Variants in LMX1A observed in about 807,000 individuals in gnomAD.
LMX1A encodes the protein LIM homeobox transcription factor 1-alpha.
A neutral mutation model predicts 49.1 loss-of-function variants in LMX1A; 15 were observed. That is an observed-to-expected ratio of 0.31 (90% CI 0.20 to 0.47). The LOEUF is 0.47. Ranked by LOEUF, LMX1A falls within the 20% of genes least tolerant of loss-of-function variation. The pLI is 1.00. For synonymous variants in LMX1A, 167 were observed against 185.7 expected (o/e 0.90, Z 0.82); for missense variants, 372 against 475.8 (o/e 0.78, Z 2.03).
intron 3 of LMX1A, among the ~76,000 whole-genome samples, chr1:165,349,746 A>G (rs1209182021): frequency 1.3e-5 from 2 of 152,116 alleles, no homozygotes; most frequent in African/African-American, 2.4e-5. Context: ...TGTCAATTCT[A>G]TTTTTTTAAT....
At chr1:165,211,525 G>T (rs1277724068) in intron 5 of LMX1A, among the ~76,000 whole-genome samples, 1 of 152,194 alleles carries the variant, frequency 6.6e-6, no homozygotes, top group East Asian at 1.9e-4. Flanking sequence ...GAGAGACACT[G>T]ACCTCTCTTG....
intron 4 of LMX1A, among the ~76,000 whole-genome samples, chr1:165,239,940 G>A (rs893766862): frequency 6.6e-6 from 1 of 152,180 alleles, no homozygotes; most frequent in African/African-American, 2.4e-5. Context: ...GACATTTAAG[G>A]AATTTATACC....
intron 4 of LMX1A, among the ~76,000 whole-genome samples, chr1:165,225,384 C>T (rs183641435): frequency 5.3e-5 from 8 of 152,296 alleles, no homozygotes; most frequent in East Asian, 1.9e-4. Context: ...TACAATCATT[C>T]GGAAATTATT....
In LMX1A at chr1:165,203,776, C is replaced by A; in HGVS notation, c.*104G>T. 1 of 1,112,572 alleles carries A rather than the reference C, an allele frequency of 9.0e-7. No individual in the cohort carries two copies. Among genetic ancestry groups the A allele is most frequent in the Non-Finnish European group, 1.3e-6 (1 of 757,504 alleles). 68.9% of individuals were successfully genotyped at this position (1,112,572 alleles called of 1,614,324 possible). A position where few individuals can be genotyped will look rare whatever the true frequency, so the allele number is the denominator to read the frequency against. On this transcript the variant is annotated 3_prime_UTR_variant, in exon 9 of 9. Transcript: ENST00000342310. ...ACAGCATCCCCAACAAAACTCCCTC[C>A]CCAACCCACCTCTTCCCTGGCCTCC...
chr1:165,323,331 C>T (rs1315547028), intron 3 of LMX1A, among the ~76,000 whole-genome samples: 1 of 152,122 alleles, frequency 6.6e-6, no homozygotes, highest in Non-Finnish European at 1.5e-5. Context: ...ATAATCTATG[C>T]CACTGTTTCC....
chr1:165,333,071 T>C (rs1314587232), intron 3 of LMX1A, among the ~76,000 whole-genome samples: 1 of 152,190 alleles, frequency 6.6e-6, no homozygotes, highest in Non-Finnish European at 1.5e-5. Context: ...TCCAATAAGA[T>C]TGTGGTGATA....
intron 3 of LMX1A, among the ~76,000 whole-genome samples, chr1:165,320,867 A>G (rs1281659589): frequency 6.6e-6 from 1 of 152,258 alleles, no homozygotes; most frequent in African/African-American, 2.4e-5. Context: ...AGATAAAGGT[A>G]GAAAGCAATG....
chr1:165,215,206 G>T (rs907637318), intron 4 of LMX1A, among the ~76,000 whole-genome samples: 1 of 152,164 alleles, frequency 6.6e-6, no homozygotes, highest in Non-Finnish European at 1.5e-5. Context: ...AGCTACTCGG[G>T]AAGCTGATCC....
chr1:165,227,300 G>A (rs1026797527), intron 4 of LMX1A, among the ~76,000 whole-genome samples: 11 of 152,118 alleles, frequency 7.2e-5, no homozygotes, highest in African/African-American at 2.7e-4. Flanking sequence ...CACTTTTGGA[G>A]GCCAAGGCGG....
chr1:165,263,765 T>C (rs1653531247), intron 3 of LMX1A, among the ~76,000 whole-genome samples: 1 of 152,238 alleles, frequency 6.6e-6, no homozygotes, highest in Non-Finnish European at 1.5e-5. Context: ...AAGGTTTAAG[T>C]AATTTGCTCA....
chr1:165,262,809 T>C (rs1163450629), intron 3 of LMX1A, among the ~76,000 whole-genome samples: 1 of 152,116 alleles, frequency 6.6e-6, no homozygotes, highest in Non-Finnish European at 1.5e-5. Context: ...ATTTATCTGA[T>C]GGCCTTTGTA....
At chr1:165,221,164 T>G (rs1169430733) in intron 4 of LMX1A, among the ~76,000 whole-genome samples, 2 of 152,052 alleles carry the variant, frequency 1.3e-5, no homozygotes, top group African/African-American at 4.8e-5. Flanking sequence ...TTGATTTGCC[T>G]CACGGGTTGT....
At chr1:165,208,614 A>C (rs973582624) in intron 6 of LMX1A, among the ~76,000 whole-genome samples, 1 of 152,134 alleles carries the variant, frequency 6.6e-6, no homozygotes, top group Admixed American at 6.5e-5. Context: ...CCCTGCTAAC[A>C]CGCAAGCTTC....
chr1:165,304,483 T>C (rs1006734442), intron 3 of LMX1A, among the ~76,000 whole-genome samples: 2 of 152,202 alleles, frequency 1.3e-5, no homozygotes, highest in African/African-American at 4.8e-5. Flanking sequence ...CTGGTTTGGA[T>C]ATACAGTCAA....
chr1:165,283,228 G>C lies in LMX1A; in HGVS notation c.264-33588C>G, dbSNP rs114820455. 8.7e-3 allele frequency among the ~76,000 whole-genome samples: 1,330 copies of C among 152,298 alleles called. 15 individuals carry two copies. Among genetic ancestry groups the C allele is most frequent in the Middle Eastern group, 0.027 (8 of 294 alleles). On this transcript the variant is annotated intron_variant, in intron 3 of 8. Coordinates refer to ENST00000342310, the MANE Select transcript of LMX1A (RefSeq NM_177398.4). The stretch of plus-strand genomic sequence containing the variant: ...ACAACTGCCTACAGTGTTCAGTACA[G>C]TCACATACTGTACAGGTTTGTAACA...
At chr1:165,333,784 G>A (rs556757999) in intron 3 of LMX1A, among the ~76,000 whole-genome samples, 2 of 152,052 alleles carry the variant, frequency 1.3e-5, no homozygotes, top group East Asian at 1.9e-4. Context: ...AAAACACCAG[G>A]CTCAATAATA....
At chr1:165,262,831 A>T (rs530349730) in intron 3 of LMX1A, among the ~76,000 whole-genome samples, 106 of 152,096 alleles carry the variant, frequency 7.0e-4, no homozygotes, top group Admixed American at 2.4e-3. Context: ...AAAAAAAAAA[A>T]TTTTAATTAC....
At chr1:165,213,455 A>C (rs1005552177) in intron 5 of LMX1A, among the ~76,000 whole-genome samples, 186 bp downstream of exon 5, 1 of 152,196 alleles carries the variant, frequency 6.6e-6, no homozygotes, top group African/African-American at 2.4e-5. Context: ...AGGAGAGTCT[A>C]TCACACCCTG....
chr1:165,289,644 C>A (rs908208508), intron 3 of LMX1A, among the ~76,000 whole-genome samples: 1 of 152,246 alleles, frequency 6.6e-6, no homozygotes, highest in Non-Finnish European at 1.5e-5. Context: ...GCAGGAACTG[C>A]CGTGTAGCAC....
Sources: allele counts gnomAD v4.1 joint callset (sites outside exome capture counted in the v4.1 genomes callset), GRCh38; gene constraint gnomAD v4.1.1; transcripts MANE v1.5; gene names NCBI Gene and HGNC (gene_info 2026-07-23, HGNC 2026-07-21).